EFCAB13: variants seen among roughly 807,000 people sequenced by gnomAD.
The protein encoded by EFCAB13 is EF-hand calcium-binding domain-containing protein 13.
Under a neutral mutation model 110.2 loss-of-function variants are expected in EFCAB13, and 91 were observed. That is an observed-to-expected ratio of 0.83 (90% CI 0.70 to 0.98). The LOEUF (loss-of-function observed/expected upper bound fraction) is 0.98. Ranked by LOEUF, EFCAB13 falls within the 50% of genes least tolerant of loss-of-function variation. The pLI is 0.00. For missense variants in EFCAB13, 968 were observed against 1,119.4 expected, an observed-to-expected ratio of 0.86 and a Z score of 1.93; for synonymous variants, 323 against 369.9, an observed-to-expected ratio of 0.87 and a Z score of 1.45.
At position 47,387,884 on chromosome 17, in the gene EFCAB13, A is replaced by T. The variant is rs1214283064; in HGVS notation, c.1583-3553A>T. 7.2e-5 allele frequency among the ~76,000 whole-genome samples: 11 copies of T among 152,172 alleles called. No homozygotes were observed. The South Asian group carries it at 1.7e-3, about 23-fold the overall frequency. On this transcript the variant is annotated intron_variant, in intron 14 of 24. Coordinates refer to ENST00000331493, the MANE Select transcript of EFCAB13 (RefSeq NM_152347.5). ...GATCACTGCATCTTTTTGTTACTAG[A>T]TTGTATTTTAAACCCAGATTTGCCT...
chr17:47,407,816 A>T (rs2065813211), intron 20 of EFCAB13, among the ~76,000 whole-genome samples: 1 of 152,088 alleles, frequency 6.6e-6, no homozygotes, highest in Admixed American at 6.5e-5. Context: ...CAAATGTTTG[A>T]TATTACTGTT....
intron 10 of EFCAB13, among the ~76,000 whole-genome samples, chr17:47,365,351 T>G (rs562611128): frequency 6.6e-6 from 1 of 152,324 alleles, no homozygotes; most frequent in African/African-American, 2.4e-5. Context: ...TGGCTGTAGT[T>G]TGAGGCAAAA....
intron 20 of EFCAB13, among the ~76,000 whole-genome samples, chr17:47,406,768 T>C (rs1374837670): frequency 1.3e-5 from 2 of 152,158 alleles, no homozygotes; most frequent in African/African-American, 2.4e-5. Flanking sequence ...TTCCTCCCAT[T>C]AATAGCCTTC....
At chr17:47,337,527 A>G (rs2065358184) in intron 5 of EFCAB13, among the ~76,000 whole-genome samples, 1 of 152,216 alleles carries the variant, frequency 6.6e-6, no homozygotes, top group African/African-American at 2.4e-5. Context: ...GTTTTTACTT[A>G]TTCATTATTT....
Position 47,431,926 on chromosome 17 carries a change from C to T in EFCAB13, c.2638+1965C>T, listed in dbSNP as rs1905122484. Among the ~76,000 whole-genome samples, 1 of 152,116 alleles carries T rather than the reference C, an allele frequency of 6.6e-6. No individual in the cohort carries two copies. The highest frequency in any genetic ancestry group is 2.4e-5 in the African/African-American group (1 of 41,408). On this transcript the variant is annotated intron_variant, in intron 24 of 24. Coordinates refer to ENST00000331493, the MANE Select transcript of EFCAB13 (RefSeq NM_152347.5). The surrounding 1 kb of genome is among the most constrained non-coding windows in gnomAD (Gnocchi z 4.1). The stretch of plus-strand genomic sequence containing the variant: ...CTCCTTTTAATTCTGTCAGTGTTTG[C>T]TGTCTATAGTTTTAGCCCATGTTGT...
At chr17:47,397,294 G>A (rs2065745655) in intron 17 of EFCAB13, among the ~76,000 whole-genome samples, 3 of 152,182 alleles carry the variant, frequency 2.0e-5, no homozygotes, top group Admixed American at 6.5e-5. Context: ...GATTGCAGAC[G>A]GAGTCTGGTT....
At chr17:47,364,873 T>C (rs1009993370) in intron 10 of EFCAB13, among the ~76,000 whole-genome samples, 1 of 152,224 alleles carries the variant, frequency 6.6e-6, no homozygotes, top group Non-Finnish European at 1.5e-5. Flanking sequence ...ACCATATTCT[T>C]CCTTGCTCTC....
intron 4 of EFCAB13, among the ~76,000 whole-genome samples, chr17:47,333,388 GT>G (rs2065331324): frequency 6.6e-6 from 1 of 152,038 alleles, no homozygotes; most frequent in African/African-American, 2.4e-5. Context: ...CTTTCTGTGG[GT>G]TGTTTCTCAC....
chr17:47,420,719 C>A (rs1252217543), intron 23 of EFCAB13, among the ~76,000 whole-genome samples: 2 of 151,860 alleles, frequency 1.3e-5, no homozygotes, highest in Admixed American at 1.3e-4. Context: ...GGCAGCCGCC[C>A]CATCTGAGAA....
rs937539945 is a variant in EFCAB13, at chr17:47,336,556, G to C, written c.191+1200G>C. Reference sequence around the variant, plus strand: ...TCCGCCTGCTTCTGCCTCCCAAAGTGCTGGGATTATAGGCGTGAGCCACCG... The same window carrying C: ...TCCGCCTGCTTCTGCCTCCCAAAGTCCTGGGATTATAGGCGTGAGCCACCG... On this transcript the variant is annotated intron_variant, in intron 5 of 24. Transcript: ENST00000331493. Among the ~76,000 whole-genome samples, 11 of 151,382 alleles carry C rather than the reference G, an allele frequency of 7.3e-5. No individual in the cohort carries two copies. In the South Asian group the frequency reaches 2.1e-3, roughly 29 times the overall value.
intron 5 of EFCAB13, among the ~76,000 whole-genome samples, chr17:47,338,135 G>A (rs2065361823): frequency 6.6e-6 from 1 of 152,018 alleles, no homozygotes; most frequent in African/African-American, 2.4e-5. Context: ...AAATAAGAAG[G>A]CTCAACTTCA....
At chr17:47,342,603 C>CT (rs2065392099) in intron 6 of EFCAB13, among the ~76,000 whole-genome samples, 2 of 152,056 alleles carry the variant, frequency 1.3e-5, no homozygotes, top group South Asian at 4.1e-4. Context: ...GGTATATATC[C>CT]TTTTTTCCCC....
intron 23 of EFCAB13, among the ~76,000 whole-genome samples, chr17:47,426,880 T>G (rs1904979808): frequency 6.6e-6 from 1 of 152,134 alleles, no homozygotes; most frequent in African/African-American, 2.4e-5. Flanking sequence ...TGATGTAAAT[T>G]GAATTTTTTG....
chr17:47,370,738 G>GTTTT (rs764924546), intron 11 of EFCAB13, among the ~76,000 whole-genome samples: 185 of 127,124 alleles, frequency 1.5e-3, no homozygotes, highest in Non-Finnish European at 2.2e-3. Context: ...GTTGTTGTTT[G>GTTTT]TTTTTTTTTT....
rs369507720 is a variant in EFCAB13 at position 47,395,825 on chromosome 17, A to G, written c.1802-9A>G. The stretch of plus-strand genomic sequence containing the variant: ...CATTCGTAAAACTTGTGTTTTATCT[A>G]CCCTTTAGTATTGCCTGATGCTATT... On this transcript the variant is annotated splice_polypyrimidine_tract_variant and intron_variant, in intron 16 of 24. Transcript: ENST00000331493. 212 of 1,583,242 alleles carry G rather than the reference A, an allele frequency of 1.3e-4. No homozygotes were observed. Among genetic ancestry groups the G allele is most frequent in the Non-Finnish European group, 1.7e-4 (196 of 1,163,452 alleles).
rs1474106328 is a variant in EFCAB13, at chr17:47,429,960, T to C, written c.2637T>C (p.His879=). Reference sequence around the variant, plus strand: ...TAATGTTAAGACATGTACCTGAACATGGTTAGTAGTTTCAATGCGTCTATC... The same window carrying C: ...TAATGTTAAGACATGTACCTGAACACGGTTAGTAGTTTCAATGCGTCTATC... ...LTVMLRHVPE[H]ESGKVSIQEF... Residue 879 remains histidine (H), a splice_region_variant and synonymous_variant, in exon 24 of 25, where the codon CAT becomes CAC. Coordinates refer to ENST00000331493, the MANE Select transcript of EFCAB13 (RefSeq NM_152347.5). 6.3e-7 allele frequency: 1 copy of C among 1,598,102 alleles called. No individual in the cohort carries two copies. The highest frequency in any genetic ancestry group is 8.5e-7 in the Non-Finnish European group (1 of 1,169,888).
intron 24 of EFCAB13, 29 bp from the exon 25 acceptor site, chr17:47,440,402 T>G: frequency 6.6e-7 from 1 of 1,523,636 alleles, no homozygotes; most frequent in South Asian, 1.4e-5. Flanking sequence ...TAATTCTTTC[T>G]TTTAAGTAAA....
At chr17:47,385,718 A>C (rs2065672230) in intron 14 of EFCAB13, among the ~76,000 whole-genome samples, 1 of 152,238 alleles carries the variant, frequency 6.6e-6, no homozygotes, top group African/African-American at 2.4e-5. Context: ...TTGGAGGAGA[A>C]GAGGCATTCT....
rs148703535 is a variant in EFCAB13, at chr17:47,402,241, T to C, written c.2017+38T>C. On this transcript the variant is annotated intron_variant, in intron 18 of 24. Coordinates refer to ENST00000331493, the MANE Select transcript of EFCAB13 (RefSeq NM_152347.5). The stretch of plus-strand genomic sequence containing the variant: ...TTATTTATAACGGTTAGATTTACTT[T>C]TATTGAAAGGACTTGCTTTTGTTTT... 9.6e-6 allele frequency: 15 copies of C among 1,570,654 alleles called. No individual in the cohort carries two copies. The African/African-American group carries it at 1.6e-4, about 17-fold the overall frequency.
Sources: allele counts gnomAD v4.1 joint callset (sites outside exome capture counted in the v4.1 genomes callset), GRCh38; gene constraint gnomAD v4.1.1; non-coding constraint Gnocchi (gnomAD v3.1); transcripts MANE v1.5; gene names NCBI Gene and HGNC (gene_info 2026-07-23, HGNC 2026-07-21).